The following NRG1 variants were observed in gnomAD, a reference collection of about 807,000 sequenced individuals.
The protein encoded by NRG1 is neuregulin 1, also known as pro-neuregulin-1, membrane-bound isoform.
Under a neutral mutation model 63.8 loss-of-function variants are expected in NRG1, and 18 were observed. That is an observed-to-expected ratio of 0.28 (90% CI 0.19 to 0.42). The LOEUF (loss-of-function observed/expected upper bound fraction) is 0.42, where lower values mean the gene tolerates loss of function less well. NRG1 is among the 10% of genes least tolerant of loss of function. The pLI, the probability that NRG1 is intolerant of heterozygous loss-of-function variation, is 1.00. For missense variants in NRG1, 762 were observed against 814.7 expected (o/e 0.94, Z 0.79); for synonymous variants, 302 against 301.3 (o/e 1.00, Z -0.02).
At chr8:32,513,138 T>A (rs1197586667) in intron 1 of NRG1, among the ~76,000 whole-genome samples, 4 of 151,960 alleles carry the variant, frequency 2.6e-5, no homozygotes, top group Non-Finnish European at 5.9e-5. Context: ...TTATTTTAGG[T>A]AATTCTCTAT....
chr8:32,576,944 A>C (rs937433732), intron 1 of NRG1, among the ~76,000 whole-genome samples: 6 of 152,054 alleles, frequency 3.9e-5, no homozygotes, highest in African/African-American at 1.2e-4. Context: ...AGTACCCAAT[A>C]GTTGGTTTTT....
At chr8:32,170,187 TG>T (rs1839879688) in intron 1 of NRG1, among the ~76,000 whole-genome samples, 1 of 152,172 alleles carries the variant, frequency 6.6e-6, no homozygotes, top group Non-Finnish European at 1.5e-5. Flanking sequence ...TTCTGTTGTT[TG>T]AAGCCACCAA....
chr8:31,851,214 A>G (rs1175367873), intron 1 of NRG1, among the ~76,000 whole-genome samples: 1 of 152,246 alleles, frequency 6.6e-6, no homozygotes, highest in Admixed American at 6.5e-5. Context: ...TAATTAAAAA[A>G]TGATTTTCTT....
chr8:32,728,029 G>C, exon 6 of NRG1: 1 of 1,614,088 alleles, frequency 6.2e-7, no homozygotes, highest in Non-Finnish European at 8.5e-7. Context: ...GAATGGAGGG[G>C]AGTGCTTCAT....
chr8:32,331,347 C>T (rs982942842), intron 1 of NRG1, among the ~76,000 whole-genome samples: 5 of 124,608 alleles, frequency 4.0e-5, no homozygotes, highest in Non-Finnish European at 6.5e-5. Context: ...GGCGAAACTC[C>T]CAACTCTACA....
intron 1 of NRG1, among the ~76,000 whole-genome samples, chr8:31,870,314 C>A (rs996921452): frequency 1.3e-5 from 2 of 151,492 alleles, no homozygotes; most frequent in African/African-American, 2.4e-5. Context: ...GTAAGGAACC[C>A]AATTATGAGA....
At chr8:31,936,078 A>C (rs1420728847) in intron 1 of NRG1, among the ~76,000 whole-genome samples, 1 of 152,204 alleles carries the variant, frequency 6.6e-6, no homozygotes, top group Non-Finnish European at 1.5e-5. Context: ...GTCACAAAAA[A>C]AGGGTCCAGA....
rs7838956 is a variant in NRG1, at chr8:31,640,997, G to T, written c.37+1566G>T. On this transcript the variant is annotated intron_variant, in intron 1 of 10. Transcript: ENST00000519301. This position sits in a 1 kb window ranked among gnomAD's most constrained non-coding sequence, Gnocchi z 6.3. ...AAACTTTTTAATCCTTTGGGGTTTGGCTCACCAAGTAGATCGGAAATGTGC... is the reference window on the plus strand; with the variant it reads ...AAACTTTTTAATCCTTTGGGGTTTGTCTCACCAAGTAGATCGGAAATGTGC... 6.6e-6 allele frequency among the ~76,000 whole-genome samples: 1 copy of T among 152,196 alleles called. No homozygotes were observed. Among genetic ancestry groups the T allele is most frequent in the Non-Finnish European group, 1.5e-5 (1 of 68,042 alleles).
chr8:31,685,101 A>G (rs551802488), intron 1 of NRG1, among the ~76,000 whole-genome samples: 1 of 152,176 alleles, frequency 6.6e-6, no homozygotes, highest in South Asian at 2.1e-4. Flanking sequence ...TTTAAAATTC[A>G]AGCTCACATA....
chr8:31,912,194 G>A (rs1036849875), intron 1 of NRG1, among the ~76,000 whole-genome samples: 4 of 152,136 alleles, frequency 2.6e-5, no homozygotes, highest in African/African-American at 7.2e-5. Context: ...AAAGCATTCC[G>A]CTAACTATAA....
intron 1 of NRG1, among the ~76,000 whole-genome samples, chr8:32,227,993 AT>A (rs1846513726): frequency 6.6e-6 from 1 of 152,164 alleles, no homozygotes; most frequent in Admixed American, 6.5e-5. Context: ...ATAGATATTT[AT>A]TTTGCTTTCT....
At chr8:32,390,602 T>A (rs1587312881) in intron 1 of NRG1, among the ~76,000 whole-genome samples, 1 of 130,654 alleles carries the variant, frequency 7.7e-6, no homozygotes. Flanking sequence ...GACCCTGTCT[T>A]AAAAAAAAAA....
At chr8:32,480,723 A>G (rs192352799) in intron 1 of NRG1, among the ~76,000 whole-genome samples, 6 of 152,316 alleles carry the variant, frequency 3.9e-5, no homozygotes, top group Admixed American at 2.6e-4. Flanking sequence ...CAATCATGGC[A>G]GAAGGCAAAG....
chr8:31,681,146 C>G (rs1029835553), intron 1 of NRG1, among the ~76,000 whole-genome samples: 1 of 151,946 alleles, frequency 6.6e-6, no homozygotes. Context: ...TACCTCACAT[C>G]ACACATAAAA....
At chr8:32,445,902 G>A (rs1820179316) in intron 1 of NRG1, among the ~76,000 whole-genome samples, 1 of 151,706 alleles carries the variant, frequency 6.6e-6, no homozygotes, top group African/African-American at 2.4e-5. Flanking sequence ...GAGGCTGTGG[G>A]GTGGGGATGT....
In NRG1 at chr8:32,622,550, G is replaced by C. The variant is rs140646405; in HGVS notation, c.502+5665G>C. Among the ~76,000 whole-genome samples the C allele has an allele frequency of 3.1e-3, 473 of 152,094 alleles. 5 individuals are homozygous for C. The highest frequency in any genetic ancestry group is 0.011 in the African/African-American group (459 of 41,496). ...CCCTAGTAGCTGGGACTACATGCGT[G>C]TGCCACCACACCTGAGTAATGTTTT... On this transcript the variant is annotated intron_variant, in intron 5 of 11. Transcript: ENST00000356819.
chr8:31,640,042 C>T lies in NRG1; in HGVS notation c.37+611C>T, dbSNP rs1181938348. 7.0e-6 allele frequency: 8 copies of T among 1,144,152 alleles called. No homozygotes were observed. The highest frequency in any genetic ancestry group is 8.6e-6 in the Non-Finnish European group (8 of 933,584). 70.9% of individuals were successfully genotyped at this position (1,144,152 alleles called of 1,614,324 possible). ...GCGTCCCGGCCCCCGGGCCCAGCGCCCCGGCTCCGCCGCCCGCTCGTCGCC... is the reference window on the plus strand; with the variant it reads ...GCGTCCCGGCCCCCGGGCCCAGCGCTCCGGCTCCGCCGCCCGCTCGTCGCC... On this transcript the variant is annotated intron_variant, in intron 1 of 10. Transcript: ENST00000519301. The surrounding 1 kb of genome is among the most constrained non-coding windows in gnomAD (Gnocchi z 6.3).
chr8:32,711,267 C>T (rs1817738935), intron 5 of NRG1, among the ~76,000 whole-genome samples: 1 of 151,028 alleles, frequency 6.6e-6, no homozygotes, highest in Admixed American at 6.6e-5. Context: ...AAAGTGTCAC[C>T]TATTTCTTGT....
chr8:32,648,212 C>T, intron 5 of NRG1: 1 of 1,614,086 alleles, frequency 6.2e-7, no homozygotes, highest in Non-Finnish European at 8.5e-7. Flanking sequence ...CTGTTGTCTC[C>T]TTTGAACCAT....
Sources: gnomAD v4.1 joint callset for allele counts (sites outside exome capture counted in the v4.1 genomes callset) on GRCh38, gnomAD v4.1.1 for gene constraint, Gnocchi (gnomAD v3.1) non-coding constraint, MANE v1.5 for transcripts, NCBI Gene and HGNC (gene_info 2026-07-23, HGNC 2026-07-21) for gene names.